The following LRRTM3 variants were observed in gnomAD, a reference collection of about 807,000 sequenced individuals.
The protein encoded by LRRTM3 is leucine-rich repeat transmembrane neuronal protein 3.
In LRRTM3, 24 loss-of-function variants were observed where a neutral mutation model predicts 44.7. That is an observed-to-expected ratio of 0.54 (90% CI 0.39 to 0.76). The LOEUF is 0.76. Ranked by LOEUF, LRRTM3 falls within the 30% of genes least tolerant of loss-of-function variation. The pLI is 0.00. For missense variants in LRRTM3, 587 were observed against 702.2 expected (o/e 0.84, Z 1.85); for synonymous variants, 277 against 278.7 (o/e 0.99, Z 0.06).
intron 2 of LRRTM3, among the ~76,000 whole-genome samples, chr10:66,951,559 A>G (rs945445893): frequency 6.6e-6 from 1 of 152,200 alleles, no homozygotes; most frequent in African/African-American, 2.4e-5. Context: ...TAGAAATTTT[A>G]AGTAATATAT....
chr10:66,952,654 TAGTC>T (rs547476760), intron 2 of LRRTM3, among the ~76,000 whole-genome samples: 4 of 152,212 alleles, frequency 2.6e-5, no homozygotes, highest in African/African-American at 9.6e-5. Flanking sequence ...GACATTGTCA[TAGTC>T]AGGTAAATTG....
intron 2 of LRRTM3, among the ~76,000 whole-genome samples, chr10:67,067,298 C>CATTTT (rs1316385625): frequency 1.9e-5 from 2 of 102,596 alleles, no homozygotes; most frequent in Non-Finnish European, 4.1e-5. Flanking sequence ...ATTCAGTAAC[C>CATTTT]ACTTTAATAC....
intron 2 of LRRTM3, among the ~76,000 whole-genome samples, chr10:67,021,857 G>A (rs182861174): frequency 2.6e-5 from 4 of 152,282 alleles, no homozygotes; most frequent in Admixed American, 6.5e-5. Flanking sequence ...AAATAAACAG[G>A]AGTGAAGTAC....
chr10:67,018,614 G>T (rs540619971), intron 2 of LRRTM3, among the ~76,000 whole-genome samples: 21 of 152,288 alleles, frequency 1.4e-4, no homozygotes, highest in African/African-American at 5.1e-4. Context: ...GTGGGCTCTG[G>T]AGCCAGAATG....
At chr10:67,012,461 T>A (rs2133043162) in intron 2 of LRRTM3, 1 of 152,322 alleles carries the variant, frequency 6.6e-6, no homozygotes, top group African/African-American at 2.4e-5. Context: ...GTGAGGAAAT[T>A]ATAAATATTT....
intron 2 of LRRTM3, among the ~76,000 whole-genome samples, chr10:66,944,100 A>G (rs1848159554): frequency 1.3e-5 from 2 of 152,216 alleles, no homozygotes; most frequent in Non-Finnish European, 1.5e-5. Context: ...AGATTTCTCT[A>G]TAGCATATGG....
chr10:67,092,955 G>C (rs983332809), intron 2 of LRRTM3, among the ~76,000 whole-genome samples: 12 of 151,992 alleles, frequency 7.9e-5, no homozygotes, highest in African/African-American at 2.9e-4. Context: ...TCTTAGCTAA[G>C]AGTATACATG....
At chr10:66,944,707 C>T (rs1206581258) in intron 2 of LRRTM3, among the ~76,000 whole-genome samples, 1 of 152,154 alleles carries the variant, frequency 6.6e-6, no homozygotes, top group Non-Finnish European at 1.5e-5. Flanking sequence ...CAGCAAGAGA[C>T]TTATAAAAGG....
chr10:67,057,962 T>C (rs1430339308), intron 2 of LRRTM3, among the ~76,000 whole-genome samples: 2 of 152,092 alleles, frequency 1.3e-5, no homozygotes, highest in Non-Finnish European at 2.9e-5. Context: ...TTCCTATAAT[T>C]CCAGAATGAT....
At chr10:67,046,860 AT>A (rs771679289) in intron 2 of LRRTM3, among the ~76,000 whole-genome samples, 13 of 152,312 alleles carry the variant, frequency 8.5e-5, no homozygotes, top group Non-Finnish European at 1.6e-4. Flanking sequence ...GTAGATAGGA[AT>A]TAAGGGTCCA....
chr10:67,072,464 T>C (rs925555393), intron 2 of LRRTM3, among the ~76,000 whole-genome samples: 2 of 152,216 alleles, frequency 1.3e-5, no homozygotes, highest in Non-Finnish European at 2.9e-5. Context: ...TGATAGAAAT[T>C]AGTTAAAGAA....
intron 2 of LRRTM3, among the ~76,000 whole-genome samples, chr10:67,044,206 A>G (rs1418822029): frequency 1.3e-5 from 2 of 152,180 alleles, no homozygotes; most frequent in Non-Finnish European, 2.9e-5. Flanking sequence ...TAAAGAAAAA[A>G]TATGGCTGCA....
At chr10:67,033,268 C>T (rs1853845277) in intron 2 of LRRTM3, among the ~76,000 whole-genome samples, 1 of 152,144 alleles carries the variant, frequency 6.6e-6, no homozygotes, top group South Asian at 2.1e-4. Flanking sequence ...TGTGAGGGTG[C>T]TTTCCAGCAT....
rs1858209390 is a variant in LRRTM3 at position 67,099,479 on chromosome 10, A to G, written c.*1683A>G. On this transcript the variant is annotated 3_prime_UTR_variant, in exon 3 of 3. Coordinates refer to ENST00000361320, the MANE Select transcript of LRRTM3 (RefSeq NM_178011.5). ...AACAATGAAGAAAAGAATAACTGAAAACAATGTCAAACTTTTAAATTTTTA... is the reference window on the plus strand; with the variant it reads ...AACAATGAAGAAAAGAATAACTGAAGACAATGTCAAACTTTTAAATTTTTA... 1 of 152,044 alleles carries G rather than the reference A, an allele frequency of 6.6e-6. No homozygotes were observed. Among genetic ancestry groups the G allele is most frequent in the Admixed American group, 6.6e-5 (1 of 15,184 alleles). 9.4% of individuals were successfully genotyped at this position (152,044 alleles called of 1,614,324 possible).
At chr10:66,978,425 G>A (rs1850189167) in intron 2 of LRRTM3, among the ~76,000 whole-genome samples, 2 of 150,160 alleles carry the variant, frequency 1.3e-5, no homozygotes, top group African/African-American at 4.9e-5. Context: ...TATTCAGGAG[G>A]CTGAGGCAGG....
At chr10:66,967,183 G>T (rs1849470424) in intron 2 of LRRTM3, among the ~76,000 whole-genome samples, 1 of 151,892 alleles carries the variant, frequency 6.6e-6, no homozygotes, top group Non-Finnish European at 1.5e-5. Context: ...TTTCTTATGT[G>T]TACAAGCACA....
chr10:67,057,126 A>C (rs1855482725), intron 2 of LRRTM3, among the ~76,000 whole-genome samples: 1 of 152,198 alleles, frequency 6.6e-6, no homozygotes, highest in Admixed American at 6.6e-5. Context: ...AATTTTGGGA[A>C]ATCTTCTTTT....
chr10:67,096,161 C>A (rs984830623), intron 2 of LRRTM3, among the ~76,000 whole-genome samples: 1 of 151,676 alleles, frequency 6.6e-6, no homozygotes, highest in African/African-American at 2.4e-5. Context: ...CCGAAATATT[C>A]ATATTATAAG....
At chr10:66,995,922 G>C (rs902879202) in intron 2 of LRRTM3, among the ~76,000 whole-genome samples, 3 of 152,106 alleles carry the variant, frequency 2.0e-5, no homozygotes, top group Non-Finnish European at 4.4e-5. Context: ...TATTGCATTA[G>C]ACATTGTATT....
Sources: gnomAD v4.1 joint callset for allele counts (sites outside exome capture counted in the v4.1 genomes callset) on GRCh38, gnomAD v4.1.1 for gene constraint, MANE v1.5 for transcripts, NCBI Gene and HGNC (gene_info 2026-07-23, HGNC 2026-07-21) for gene names.